MFSD2B: variants seen among roughly 807,000 people sequenced by gnomAD.
MFSD2B encodes the protein sphingosine-1-phosphate transporter MFSD2B.
In MFSD2B, 56 loss-of-function variants were observed where a neutral mutation model predicts 58.4. That is an observed-to-expected ratio of 0.96 (90% CI 0.77 to 1.20). The LOEUF is 1.20. Ranked by LOEUF, MFSD2B falls within the 50% of genes most tolerant of loss-of-function variation. The pLI, the probability that MFSD2B is intolerant of heterozygous loss-of-function variation, is 0.00. For synonymous variants in MFSD2B, 287 were observed against 294.4 expected (o/e 0.97, Z 0.26); for missense variants, 645 against 667.6 (o/e 0.97, Z 0.37).
In MFSD2B at chr2:24,024,117, G is replaced by T. The variant is rs201963647; in HGVS notation, c.1336G>T (p.Val446Phe). ...CAGGTTCTCGGGGTATAAGGCAGGGGTCTGCAAGCAAGCAGAGGAGGTGGT... is the reference window on the plus strand; with the variant it reads ...CAGGTTCTCGGGGTATAAGGCAGGGTTCTGCAAGCAAGCAGAGGAGGTGGT... The part of the protein sequence containing the change: ...SLEFSGYKAG[V>F]CKQAEEVVVT... The change falls in exon 13 of 14, where the codon GTC becomes TTC. Residue 446 changes from valine (V) to phenylalanine (F), a missense_variant. Coordinates refer to ENST00000338315, the MANE Select transcript of MFSD2B (RefSeq NM_001346880.2). This position sits in a 1 kb window ranked among gnomAD's most constrained non-coding sequence, Gnocchi z 4.3. 1.2e-4 allele frequency: 188 copies of T among 1,613,728 alleles called. No homozygotes were observed. Among genetic ancestry groups the T allele is most frequent in the Non-Finnish European group, 1.5e-4 (181 of 1,179,820 alleles).
intron 13 of MFSD2B, 45 bp from the exon 14 acceptor site, chr2:24,025,387 C>A: frequency 6.5e-7 from 1 of 1,530,050 alleles, no homozygotes; most frequent in Non-Finnish European, 8.8e-7. Context: ...ACAGAGGGCC[C>A]ACACCACTTC....
Position 24,023,143 on chromosome 2 carries a change from T to G in MFSD2B, c.1073T>G (p.Phe358Cys). ...GTGTCTCCCCAGGCGATGGTGCCCTTTGCGATCTTGCTGGCTGCTGTGCCC... is the reference window on the plus strand; with the variant it reads ...GTGTCTCCCCAGGCGATGGTGCCCTGTGCGATCTTGCTGGCTGCTGTGCCC... ...SAFGIFAMVP[F>C]AILLAAVPTA... The change falls in exon 11 of 14, where the codon TTT becomes TGT. Residue 358 changes from phenylalanine to cysteine, a missense_variant. Phe to Cys is a radical substitution (Grantham distance 205). Transcript: ENST00000338315. This position sits in a 1 kb window ranked among gnomAD's most constrained non-coding sequence, Gnocchi z 5.0. 1 of 1,612,636 alleles carries G rather than the reference T, an allele frequency of 6.2e-7. No homozygotes were observed. Among genetic ancestry groups the G allele is most frequent in the Non-Finnish European group, 8.5e-7 (1 of 1,179,772 alleles).
chr2:24,017,054 C>A lies in MFSD2B; in HGVS notation c.471+86C>A. ...TCTGAAGTGTGCTGTGGGGGCAGGGCTGCCGCCCTCCCCACCCGCCTGTGC... is the reference window on the plus strand; with the variant it reads ...TCTGAAGTGTGCTGTGGGGGCAGGGATGCCGCCCTCCCCACCCGCCTGTGC... On this transcript the variant is annotated intron_variant, in intron 4 of 13. Coordinates refer to ENST00000338315, the MANE Select transcript of MFSD2B (RefSeq NM_001346880.2). The surrounding 1 kb of genome is among the most constrained non-coding windows in gnomAD (Gnocchi z 4.8). The A allele has an allele frequency of 6.5e-7, 1 of 1,527,148 alleles. No individual in the cohort carries two copies. Among genetic ancestry groups the A allele is most frequent in the Non-Finnish European group, 8.8e-7 (1 of 1,134,668 alleles). 94.6% of individuals were successfully genotyped at this position (1,527,148 alleles called of 1,614,324 possible).
At position 24,013,140 on chromosome 2, in the gene MFSD2B, G is replaced by A. The variant is rs188168973; in HGVS notation, c.97-145G>A. ...TCTTCGTCTCACTTCCTCTTAGGAT[G>A]ACATGGGGGCAAAATGGGGCTGAGA... is the stretch of plus-strand genomic sequence containing the variant. On this transcript the variant is annotated intron_variant, in intron 1 of 13. Transcript: ENST00000338315. 1,334 of 680,964 alleles carry A rather than the reference G, an allele frequency of 2.0e-3. 3 individuals are homozygous for A. Among genetic ancestry groups the A allele is most frequent in the Admixed American group, 5.9e-3 (183 of 30,894 alleles). The allele number at this position is 680,964 out of a possible 1,614,324, so 42.2% of individuals were successfully genotyped here.
Position 24,021,281 on chromosome 2 carries a change from C to A in MFSD2B, c.682-367C>A, listed in dbSNP as rs1363391032. Among the ~76,000 whole-genome samples, 1 of 152,230 alleles carries A rather than the reference C, an allele frequency of 6.6e-6. No homozygotes were observed. The highest frequency in any genetic ancestry group is 1.9e-4 in the East Asian group (1 of 5,202). On this transcript the variant is annotated intron_variant, in intron 6 of 13. Transcript: ENST00000338315. The surrounding 1 kb of genome is among the most constrained non-coding windows in gnomAD (Gnocchi z 5.7). ...CTGGATCTGTCTTCCTCCCCACACT[C>A]TGAGCCCTGTGGATGGACAGGGCTC...
In MFSD2B at chr2:24,012,176, ACAC is replaced by A. The variant is rs764391937; in HGVS notation, c.97-1108_97-1106del. ...AACACACACACACACACACACACACACACAAAAACAGACAAAAAAACCCTGCAA... is the reference window on the plus strand; with the variant it reads ...AACACACACACACACACACACACACAAAAAACAGACAAAAAAACCCTGCAA... On this transcript the variant is annotated intron_variant, in intron 1 of 13. Coordinates refer to ENST00000338315, the MANE Select transcript of MFSD2B (RefSeq NM_001346880.2). This position sits in a 1 kb window ranked among gnomAD's most constrained non-coding sequence, Gnocchi z 4.5. Among the ~76,000 whole-genome samples, 115 of 131,714 alleles carry A rather than the reference ACAC, an allele frequency of 8.7e-4. 5 individuals carry two copies. Among genetic ancestry groups the A allele is most frequent in the African/African-American group, 2.7e-3 (99 of 37,258 alleles). 86.4% of individuals were successfully genotyped at this position (131,714 alleles called of 152,430 possible). A position where few individuals can be genotyped will look rare whatever the true frequency, so the allele number is the denominator to read the frequency against.
In MFSD2B at chr2:24,023,094, C is replaced by A; in HGVS notation, c.1060-36C>A. On this transcript the variant is annotated intron_variant, in intron 10 of 13. Transcript: ENST00000338315. The surrounding 1 kb of genome is among the most constrained non-coding windows in gnomAD (Gnocchi z 5.0). Reference sequence around the variant, plus strand: ...TGAAGGAGCAGGCCCCACGAAGAAGCAGGTGGCGGGACAGCTGGTGTGTGT... The same window carrying A: ...TGAAGGAGCAGGCCCCACGAAGAAGAAGGTGGCGGGACAGCTGGTGTGTGT... 6.4e-7 allele frequency: 1 copy of A among 1,550,928 alleles called. No homozygotes were observed.
At position 24,017,115 on chromosome 2, in the gene MFSD2B, G is replaced by A. The variant is rs1303103795; in HGVS notation, c.471+147G>A. On this transcript the variant is annotated intron_variant, in intron 4 of 13. Transcript: ENST00000338315. This position sits in a 1 kb window ranked among gnomAD's most constrained non-coding sequence, Gnocchi z 4.8. The stretch of plus-strand genomic sequence containing the variant: ...CCATTGGCACTCGCCAGCCTTGCGC[G>A]GGACTGGCTGCCCCCTCCTGCCTTT... 5 of 1,357,862 alleles carry A rather than the reference G, an allele frequency of 3.7e-6. No homozygotes were observed. The highest frequency in any genetic ancestry group is 1.4e-5 in the African/African-American group (1 of 69,826). The allele number at this position is 1,357,862 out of a possible 1,614,324, so 84.1% of individuals were successfully genotyped here.
rs748332047 is a variant in MFSD2B, at chr2:24,010,104, CG to C, written c.9del (p.Pro5LeufsTer52). The C allele has an allele frequency of 2.9e-5, 41 of 1,434,686 alleles. 1 individual carries two copies. The South Asian group carries it at 5.7e-4, about 20-fold the overall frequency. The allele number at this position is 1,434,686 out of a possible 1,614,324, so 88.9% of individuals were successfully genotyped here. A position where few individuals can be genotyped will look rare whatever the true frequency, so the allele number is the denominator to read the frequency against. On this transcript the variant is annotated frameshift_variant, in exon 1 of 14. Coordinates refer to ENST00000338315, the MANE Select transcript of MFSD2B (RefSeq NM_001346880.2). LOFTEE classifies it high-confidence loss of function. MA[A>X]PPAPAAKGSP... ...GGCGGCGCTGCGGTGGCAATGGCGGCGCCCCCTGCACCAGCCGCCAAGGGGT... is the reference window on the plus strand; with the variant it reads ...GGCGGCGCTGCGGTGGCAATGGCGGCCCCCCTGCACCAGCCGCCAAGGGGT...
At position 24,023,024 on chromosome 2, in the gene MFSD2B, GC is replaced by G; in HGVS notation, c.1060-104del. ...ATCTGTGTTCCCTTGAGTCTTTAGG[GC>G]CTAGCACAGGGCAAGGCATGGGGGT... On this transcript the variant is annotated intron_variant, in intron 10 of 13. Transcript: ENST00000338315. This position sits in a 1 kb window ranked among gnomAD's most constrained non-coding sequence, Gnocchi z 5.0. 1 of 1,342,826 alleles carries G rather than the reference GC, an allele frequency of 7.4e-7. No individual in the cohort carries two copies. Among genetic ancestry groups the G allele is most frequent in the Non-Finnish European group, 1.1e-6 (1 of 944,462 alleles). 83.2% of individuals were successfully genotyped at this position (1,342,826 alleles called of 1,614,324 possible).
rs531363023 is a variant in MFSD2B, at chr2:24,016,207, G to A, written c.274G>A (p.Ala92Thr). 3 of 1,613,956 alleles carry A rather than the reference G, an allele frequency of 1.9e-6. No homozygotes were observed. Among genetic ancestry groups the A allele is most frequent in the South Asian group, 1.1e-5 (1 of 91,082 alleles). The change falls in exon 3 of 14, where the codon GCG becomes ACG. Residue 92 changes from alanine to threonine, a missense_variant. By Grantham distance (58) the Ala-to-Thr change is moderately conservative (BLOSUM62 0). Coordinates refer to ENST00000338315, the MANE Select transcript of MFSD2B (RefSeq NM_001346880.2). Reference sequence around the variant, plus strand: ...TCTGTTTGGGGGAAAAGTGTCTGGGGCGGCTGCTGACCCTGTGGCTGGGTT... The same window carrying A: ...TCTGTTTGGGGGAAAAGTGTCTGGGACGGCTGCTGACCCTGTGGCTGGGTT... ...LVLFGGKVSG[A>T]AADPVAGFFI...
rs1259879856 is a variant in MFSD2B at position 24,026,626 on chromosome 2, G to A, written c.*1170G>A. On this transcript the variant is annotated 3_prime_UTR_variant, in exon 14 of 14. Transcript: ENST00000338315. ...ACGAAGGGTTTCAGAGAGCTTCTAGGTTGGTGAACACATCCATGTACCAGG... is the reference window on the plus strand; with the variant it reads ...ACGAAGGGTTTCAGAGAGCTTCTAGATTGGTGAACACATCCATGTACCAGG... 6.6e-6 allele frequency: 1 copy of A among 152,222 alleles called. No homozygotes were observed. Among genetic ancestry groups the A allele is most frequent in the Non-Finnish European group, 1.5e-5 (1 of 68,040 alleles). The allele number at this position is 152,222 out of a possible 1,614,324, so 9.4% of individuals were successfully genotyped here.
rs77959151 is a variant in MFSD2B at position 24,012,277 on chromosome 2, G to C, written c.97-1008G>C. 6.6e-6 allele frequency among the ~76,000 whole-genome samples: 1 copy of C among 152,008 alleles called. No individual in the cohort carries two copies. The highest frequency in any genetic ancestry group is 2.1e-4 in the South Asian group (1 of 4,814). On this transcript the variant is annotated intron_variant, in intron 1 of 13. Transcript: ENST00000338315. This position sits in a 1 kb window ranked among gnomAD's most constrained non-coding sequence, Gnocchi z 4.5. ...TATTTATTTATTTATTTATGACTGA[G>C]TCTCTGTCACCCAGGCTGGAGTGCA...
chr2:24,023,314 C>G lies in MFSD2B; in HGVS notation c.1169+75C>G. The G allele has an allele frequency of 8.1e-7, 1 of 1,232,644 alleles. No individual in the cohort carries two copies. Among genetic ancestry groups the G allele is most frequent in the Non-Finnish European group, 1.2e-6 (1 of 845,802 alleles). The allele number at this position is 1,232,644 out of a possible 1,614,324, so 76.4% of individuals were successfully genotyped here. ...CTTCATGTAAACCTGCCGTCCCAGG[C>G]CCCCTGCACCCAGCCTGTGCAGGAG... On this transcript the variant is annotated intron_variant, in intron 11 of 13. Coordinates refer to ENST00000338315, the MANE Select transcript of MFSD2B (RefSeq NM_001346880.2). This position sits in a 1 kb window ranked among gnomAD's most constrained non-coding sequence, Gnocchi z 5.0.
chr2:24,024,287 C>G lies in MFSD2B; in HGVS notation c.1490+16C>G. ...GCCTTCGGAGGTAAGCCCCGCACGC[C>G]CCCTGCAGCCAGCGAGGCACAGTGT... On this transcript the variant is annotated intron_variant, in intron 13 of 13. Transcript: ENST00000338315. The surrounding 1 kb of genome is among the most constrained non-coding windows in gnomAD (Gnocchi z 4.3). 2.5e-6 allele frequency: 4 copies of G among 1,585,100 alleles called. No individual in the cohort carries two copies. The highest frequency in any genetic ancestry group is 3.4e-6 in the Non-Finnish European group (4 of 1,167,372).
Position 24,017,028 on chromosome 2 carries a change from C to T in MFSD2B, c.471+60C>T. The T allele has an allele frequency of 1.2e-6, 2 of 1,602,784 alleles. No homozygotes were observed. On this transcript the variant is annotated intron_variant, in intron 4 of 13. Coordinates refer to ENST00000338315, the MANE Select transcript of MFSD2B (RefSeq NM_001346880.2). The surrounding 1 kb of genome is among the most constrained non-coding windows in gnomAD (Gnocchi z 4.8). ...CGAAGCCCATTGCTGGCCATGGCCACTCTGAAGTGTGCTGTGGGGGCAGGG... is the reference window on the plus strand; with the variant it reads ...CGAAGCCCATTGCTGGCCATGGCCATTCTGAAGTGTGCTGTGGGGGCAGGG...
chr2:24,012,164 ACACACACAC>A lies in MFSD2B; in HGVS notation c.97-1120_97-1112del, dbSNP rs1463614875. Among the ~76,000 whole-genome samples, 21 of 68,448 alleles carry A rather than the reference ACACACACAC, an allele frequency of 3.1e-4. 1 individual carries two copies. The Admixed American group carries it at 4.0e-3, about 13-fold the overall frequency. The allele number at this position is 68,448 out of a possible 152,430, so 44.9% of individuals were successfully genotyped here. A position where few individuals can be genotyped will look rare whatever the true frequency, so the allele number is the denominator to read the frequency against. ...ACAAACAAACAAAACACACACACAC[ACACACACAC>A]ACACACAAAAACAGACAAAAAAACC... On this transcript the variant is annotated intron_variant, in intron 1 of 13. Coordinates refer to ENST00000338315, the MANE Select transcript of MFSD2B (RefSeq NM_001346880.2). The surrounding 1 kb of genome is among the most constrained non-coding windows in gnomAD (Gnocchi z 4.5).
intron 3 of MFSD2B, 80 bp from the exon 4 acceptor site, chr2:24,016,765 G>T: frequency 6.4e-7 from 1 of 1,550,628 alleles, no homozygotes; most frequent in Non-Finnish European, 8.7e-7. Flanking sequence ...CAGAGAAGGG[G>T]TGGGGTTCCT....
rs1332384565 is a variant in MFSD2B at position 24,020,163 on chromosome 2, C to G, written c.682-1485C>G. Among the ~76,000 whole-genome samples the G allele has an allele frequency of 6.6e-6, 1 of 152,120 alleles. No homozygotes were observed. The highest frequency in any genetic ancestry group is 6.5e-5 in the Admixed American group (1 of 15,272). Reference sequence around the variant, plus strand: ...GACATGTGTGGTCCTTGATGTGACACAAGGGTTGGGGAAGGGAAAGTATCA... The same window carrying G: ...GACATGTGTGGTCCTTGATGTGACAGAAGGGTTGGGGAAGGGAAAGTATCA... On this transcript the variant is annotated intron_variant, in intron 6 of 13. Transcript: ENST00000338315. The surrounding 1 kb of genome is among the most constrained non-coding windows in gnomAD (Gnocchi z 4.1).
Sources: gnomAD v4.1 joint callset for allele counts (sites outside exome capture counted in the v4.1 genomes callset) on GRCh38, gnomAD v4.1.1 for gene constraint, Gnocchi (gnomAD v3.1) non-coding constraint, MANE v1.5 for transcripts, NCBI Gene and HGNC (gene_info 2026-07-23, HGNC 2026-07-21) for gene names.